The following ZNF90 variants were observed in gnomAD, a reference collection of about 807,000 sequenced individuals.
The protein encoded by ZNF90 is zinc finger protein 90, also known as zinc finger protein HTF9.
A neutral mutation model predicts 12.0 loss-of-function variants in ZNF90; 11 were observed. The ratio of observed to expected loss-of-function variants is 0.92; its 90% confidence interval spans 0.58 to 1.52. The LOEUF (loss-of-function observed/expected upper bound fraction) is 1.52, where lower values mean the gene tolerates loss of function less well. ZNF90 is among the 40% of genes most tolerant of loss of function. The pLI is 0.00. For synonymous variants in ZNF90, 232 were observed against 240.1 expected, an observed-to-expected ratio of 0.97 and a Z score of 0.31; for missense variants, 765 against 711.5, an observed-to-expected ratio of 1.08 and a Z score of -0.86.
intron 1 of ZNF90, among the ~76,000 whole-genome samples, 191 bp downstream of exon 1, chr19:20,078,326 G>A (rs559853711): frequency 6.6e-6 from 1 of 152,196 alleles, no homozygotes; most frequent in Admixed American, 6.5e-5. Flanking sequence ...GCCCCGCGGC[G>A]TCCTGTCTCT....
chr19:20,112,137 A>G (rs892317804), intron 3 of ZNF90, among the ~76,000 whole-genome samples: 1 of 152,078 alleles, frequency 6.6e-6, no homozygotes, highest in Non-Finnish European at 1.5e-5. Flanking sequence ...GATTACAGGC[A>G]TGAGCCGATG....
chr19:20,087,977 C>G (rs1028052788), intron 1 of ZNF90, among the ~76,000 whole-genome samples: 1 of 151,924 alleles, frequency 6.6e-6, no homozygotes, highest in Non-Finnish European at 1.5e-5. Flanking sequence ...AGGCAAGGAC[C>G]GGCCATTTAC....
intron 1 of ZNF90, among the ~76,000 whole-genome samples, chr19:20,085,130 T>C (rs1401549196): frequency 6.6e-6 from 1 of 152,224 alleles, no homozygotes; most frequent in Non-Finnish European, 1.5e-5. Context: ...GTTTCTGTCT[T>C]CTACATAGTG....
In ZNF90 at chr19:20,100,663, C is replaced by T. The variant is rs951576815; in HGVS notation, c.4-3576C>T. 1.4e-4 allele frequency among the ~76,000 whole-genome samples: 21 copies of T among 152,300 alleles called. 1 individual carries two copies. The highest frequency in any genetic ancestry group is 9.8e-4 in the Admixed American group (15 of 15,304). ...AGCAGTCATTGGCCAACCTCCCCAA[C>T]AGCATTTGGGTTTTCCTCTTGAGAG... On this transcript the variant is annotated intron_variant, in intron 1 of 3. Coordinates refer to ENST00000418063, the MANE Select transcript of ZNF90 (RefSeq NM_007138.2).
intron 3 of ZNF90, among the ~76,000 whole-genome samples, chr19:20,108,372 C>G (rs550326021): frequency 1.3e-5 from 2 of 152,296 alleles, no homozygotes; most frequent in South Asian, 4.1e-4. Flanking sequence ...TGCAGTGGTG[C>G]AATCCTGGCT....
At position 20,118,285 on chromosome 19, in the gene ZNF90, T is replaced by G. The variant is rs1301828956; in HGVS notation, c.731T>G (p.Leu244Arg). The change falls in exon 4 of 4, where the codon CTT becomes CGT. Residue 244 changes from leucine to arginine, a missense_variant. Coordinates refer to ENST00000418063, the MANE Select transcript of ZNF90 (RefSeq NM_007138.2). The stretch of plus-strand genomic sequence containing the variant: ...AAAGAATTAAAGTATTCCTCTACCC[T>G]TACTGCACATAAGAGAATTCATACT... Reference protein sequence around the residue: ...CGKELKYSSTLTAHKRIHTGE... With the variant: ...CGKELKYSSTRTAHKRIHTGE... 2.6e-6 allele frequency: 4 copies of G among 1,560,392 alleles called. No individual in the cohort carries two copies. The East Asian group carries it at 9.6e-5, about 38-fold the overall frequency.
chr19:20,091,967 T>C (rs2088906437), intron 1 of ZNF90, among the ~76,000 whole-genome samples: 1 of 151,988 alleles, frequency 6.6e-6, no homozygotes, highest in African/African-American at 2.4e-5. Flanking sequence ...TGGTGAGTGG[T>C]GATTAGGCCT....
chr19:20,117,046 T>TGTGTGTGTGA (rs1419252854), intron 3 of ZNF90, among the ~76,000 whole-genome samples: 4 of 141,016 alleles, frequency 2.8e-5, no homozygotes, highest in East Asian at 2.2e-4. Context: ...TGTGTGTGTG[T>TGTGTGTGTGA]GAGAGAGAGA....
At chr19:20,085,552 G>A (rs140697526) in intron 1 of ZNF90, among the ~76,000 whole-genome samples, 71 of 152,142 alleles carry the variant, frequency 4.7e-4, no homozygotes, top group African/African-American at 1.5e-3. Flanking sequence ...GAGCCACCGC[G>A]CCCGGCCAGT....
At chr19:20,105,810 C>T (rs1378813982) in intron 3 of ZNF90, among the ~76,000 whole-genome samples, 1 of 152,050 alleles carries the variant, frequency 6.6e-6, no homozygotes, top group Non-Finnish European at 1.5e-5. Context: ...TGATATACTT[C>T]TGCTCTGTTC....
At chr19:20,086,447 C>G (rs1323449288) in intron 1 of ZNF90, among the ~76,000 whole-genome samples, 1 of 151,652 alleles carries the variant, frequency 6.6e-6, no homozygotes, top group African/African-American at 2.4e-5. Context: ...TGTTCACCAG[C>G]TTAATCTTGA....
chr19:20,096,569 C>T (rs1326284941), intron 1 of ZNF90, among the ~76,000 whole-genome samples: 1 of 151,768 alleles, frequency 6.6e-6, no homozygotes, highest in African/African-American at 2.4e-5. Context: ...CTTTTTGAGC[C>T]AGGATGAGCC....
chr19:20,101,705 G>A (rs1009235550), intron 1 of ZNF90, among the ~76,000 whole-genome samples: 11 of 152,136 alleles, frequency 7.2e-5, no homozygotes, highest in African/African-American at 2.7e-4. Flanking sequence ...TTCTCCAGAT[G>A]CAGGTGTAAT....
At chr19:20,114,215 C>G (rs532414291) in intron 3 of ZNF90, among the ~76,000 whole-genome samples, 2 of 152,252 alleles carry the variant, frequency 1.3e-5, no homozygotes, top group South Asian at 4.1e-4. Context: ...TGGTTAAACC[C>G]GGGAAGTGGA....
At chr19:20,107,596 C>A (rs2089051050) in intron 3 of ZNF90, among the ~76,000 whole-genome samples, 1 of 152,182 alleles carries the variant, frequency 6.6e-6, no homozygotes, top group Non-Finnish European at 1.5e-5. Context: ...CAGGTGTGAA[C>A]CATAATACCT....
chr19:20,110,311 C>T (rs546265020), intron 3 of ZNF90, among the ~76,000 whole-genome samples: 4 of 152,162 alleles, frequency 2.6e-5, no homozygotes, highest in African/African-American at 9.6e-5. Context: ...TGGAGTCTTG[C>T]TCTGTTGCCC....
Position 20,104,256 on chromosome 19 carries a change from A to G in ZNF90, c.21A>G (p.Arg7=). The G allele has an allele frequency of 6.2e-7, 1 of 1,614,022 alleles. No individual in the cohort carries two copies. The highest frequency in any genetic ancestry group is 8.5e-7 in the Non-Finnish European group (1 of 1,179,946). The change falls in exon 2 of 4, where the codon AGA becomes AGG. Residue 7 remains arginine (R), a synonymous_variant. Coordinates refer to ENST00000418063, the MANE Select transcript of ZNF90 (RefSeq NM_007138.2). ...TTTTTCAGGGACCATTGGAATTTAG[A>G]GATGTGGCCATAGAATTCTCTCTGG... MGPLEF[R]DVAIEFSLEE...
rs143469218 is a variant in ZNF90 at position 20,118,982 on chromosome 19, T to G, written c.1428T>G (p.Thr476=). 4 of 1,609,698 alleles carry G rather than the reference T, an allele frequency of 2.5e-6. No individual in the cohort carries two copies. Among genetic ancestry groups the G allele is most frequent in the South Asian group, 1.1e-5 (1 of 90,598 alleles). ...TTACTACACATAAGATAAGTCATACTGAAGAGAAACTCTACAAATGTCAAG... is the reference window on the plus strand; with the variant it reads ...TTACTACACATAAGATAAGTCATACGGAAGAGAAACTCTACAAATGTCAAG... The part of the protein sequence containing the change: ...SNLTTHKISH[T]EEKLYKCQEC... The change falls in exon 4 of 4, where the codon ACT becomes ACG. Residue 476 remains threonine (T), a synonymous_variant. Coordinates refer to ENST00000418063, the MANE Select transcript of ZNF90 (RefSeq NM_007138.2).
chr19:20,095,878 C>T (rs2088940951), intron 1 of ZNF90, among the ~76,000 whole-genome samples: 1 of 152,186 alleles, frequency 6.6e-6, no homozygotes, highest in Non-Finnish European at 1.5e-5. Context: ...AAAAGCGGGA[C>T]TTGCCGCTAA....
Sources: allele counts gnomAD v4.1 joint callset (sites outside exome capture counted in the v4.1 genomes callset), GRCh38; gene constraint gnomAD v4.1.1; transcripts MANE v1.5; gene names NCBI Gene and HGNC (gene_info 2026-07-23, HGNC 2026-07-21).